The following SLC4A10 variants were observed in gnomAD, a reference collection of about 807,000 sequenced individuals.
SLC4A10 encodes the protein sodium-driven chloride bicarbonate exchanger.
Under a neutral mutation model 137.7 loss-of-function variants are expected in SLC4A10, and 42 were observed. That is an observed-to-expected ratio of 0.30 (90% CI 0.24 to 0.39). The LOEUF (loss-of-function observed/expected upper bound fraction) is 0.39, where lower values mean the gene tolerates loss of function less well. Ranked by LOEUF, SLC4A10 falls within the 10% of genes least tolerant of loss-of-function variation. SLC4A10 has a pLI of 1.00. For synonymous variants in SLC4A10, 474 were observed against 464.1 expected, an observed-to-expected ratio of 1.02 and a Z score of -0.27; for missense variants, 925 against 1,355.0, an observed-to-expected ratio of 0.68 and a Z score of 4.98.
At chr2:161,817,964 T>C (rs373442750) in intron 3 of SLC4A10, among the ~76,000 whole-genome samples, 6,027 of 132,970 alleles carry the variant, frequency 0.045, 171 homozygotes, top group East Asian at 0.11. Context: ...GTGATGTGGG[T>C]TCTTTTTTGG....
intron 1 of SLC4A10, among the ~76,000 whole-genome samples, chr2:161,712,951 G>A (rs1340127263): frequency 6.6e-6 from 1 of 151,864 alleles, no homozygotes; most frequent in African/African-American, 2.4e-5. Context: ...GTAGGTCTCT[G>A]CCTTCAGGAG....
At chr2:161,933,227 C>T (rs1314409921) in intron 15 of SLC4A10, among the ~76,000 whole-genome samples, 1 of 122,160 alleles carries the variant, frequency 8.2e-6, no homozygotes, top group Admixed American at 8.8e-5. Flanking sequence ...TTCTTTCTTT[C>T]TTTCTTTCTT....
intron 10 of SLC4A10, among the ~76,000 whole-genome samples, chr2:161,890,304 C>T (rs1254391817): frequency 1.3e-5 from 2 of 152,094 alleles, no homozygotes; most frequent in Non-Finnish European, 2.9e-5. Context: ...TCTATTAGAT[C>T]TGCTTGGTCC....
At chr2:161,809,918 C>A (rs1168651728) in intron 3 of SLC4A10, among the ~76,000 whole-genome samples, 1 of 151,950 alleles carries the variant, frequency 6.6e-6, no homozygotes, top group Admixed American at 6.6e-5. Flanking sequence ...TGAAAAACAA[C>A]ATTGGTGTTT....
intron 1 of SLC4A10, among the ~76,000 whole-genome samples, chr2:161,764,986 T>C (rs2050641846): frequency 6.6e-6 from 1 of 152,166 alleles, no homozygotes. Context: ...GTGTGATTTC[T>C]GTCGGATTAG....
At chr2:161,820,498 C>T (rs930404316) in intron 3 of SLC4A10, among the ~76,000 whole-genome samples, 1 of 152,070 alleles carries the variant, frequency 6.6e-6, no homozygotes, top group African/African-American at 2.4e-5. Context: ...GAATCTCTGG[C>T]CTTTCTTTTT....
At position 161,950,763 on chromosome 2, in the gene SLC4A10, T is replaced by G; in HGVS notation, c.2456T>G (p.Ile819Ser). The G allele has an allele frequency of 1.3e-6, 2 of 1,599,468 alleles. No homozygotes were observed. The highest frequency in any genetic ancestry group is 1.7e-6 in the Non-Finnish European group (2 of 1,172,166). ...TGGTGGACAGTAATAGCTGCTATAA[T>G]TCCAGCTCTGCTTTGTACTATTCTA... ...NPWWTVIAAI[I>S]PALLCTILIF... The change falls in exon 19 of 27, where the codon ATT becomes AGT. Residue 819 changes from isoleucine (I) to serine (S), a missense_variant. Transcript: ENST00000446997.
chr2:161,939,783 G>A (rs1197765028), intron 15 of SLC4A10, among the ~76,000 whole-genome samples: 3 of 151,882 alleles, frequency 2.0e-5, no homozygotes, highest in Admixed American at 1.3e-4. Context: ...TATAATTATA[G>A]AATGTAAAAA....
chr2:161,830,885 T>C (rs1363879040), intron 3 of SLC4A10, among the ~76,000 whole-genome samples: 6 of 152,212 alleles, frequency 3.9e-5, no homozygotes, highest in Non-Finnish European at 8.8e-5. Context: ...TGTAGGGTGC[T>C]ATAAGTTAGG....
intron 25 of SLC4A10, chr2:161,977,329 G>C (rs140646093): frequency 4.4e-6 from 2 of 455,790 alleles, no homozygotes; most frequent in East Asian, 1.4e-4. Flanking sequence ...CCCCCTGAAA[G>C]TCTTCCCTAA....
chr2:161,943,131 A>G (rs1290179956), intron 16 of SLC4A10, among the ~76,000 whole-genome samples: 1 of 152,140 alleles, frequency 6.6e-6, no homozygotes, highest in Non-Finnish European at 1.5e-5. Context: ...ATACAGAAAT[A>G]TGTGACCGAG....
chr2:161,964,079 C>T (rs1697180397), intron 21 of SLC4A10, 56 bp from the exon 22 acceptor site: 2 of 1,460,664 alleles, frequency 1.4e-6, no homozygotes, highest in Non-Finnish European at 1.8e-6. Flanking sequence ...ATCAACTTGT[C>T]CTACTTTTAT....
intron 4 of SLC4A10, among the ~76,000 whole-genome samples, chr2:161,846,718 A>G (rs2059520779): frequency 6.6e-6 from 1 of 152,212 alleles, no homozygotes; most frequent in South Asian, 2.1e-4. Flanking sequence ...AAAAAGTGTC[A>G]ATCTCAAAAG....
At chr2:161,816,474 G>A (rs1032974049) in intron 3 of SLC4A10, among the ~76,000 whole-genome samples, 1 of 150,872 alleles carries the variant, frequency 6.6e-6, no homozygotes, top group African/African-American at 2.4e-5. Flanking sequence ...TTTGAATTTG[G>A]GCACTCTTTT....
chr2:161,688,515 C>T (rs560100841), intron 1 of SLC4A10, among the ~76,000 whole-genome samples: 1 of 152,154 alleles, frequency 6.6e-6, no homozygotes, highest in South Asian at 2.1e-4. Flanking sequence ...CATTATTTCA[C>T]GTGTTTGTTC....
At chr2:161,645,994 A>G (rs1224330330) in intron 1 of SLC4A10, among the ~76,000 whole-genome samples, 1 of 152,082 alleles carries the variant, frequency 6.6e-6, no homozygotes, top group Non-Finnish European at 1.5e-5. Flanking sequence ...GCACATGACT[A>G]TGAATGAAAT....
chr2:161,943,041 T>C (rs1232503765), intron 16 of SLC4A10, 144 bp downstream of exon 16: 2 of 637,644 alleles, frequency 3.1e-6, no homozygotes, highest in Non-Finnish European at 5.4e-6. Flanking sequence ...TCATTTCAGA[T>C]GCTCATCAGT....
At chr2:161,871,055 G>A (rs978549643) in intron 6 of SLC4A10, among the ~76,000 whole-genome samples, 1 of 151,826 alleles carries the variant, frequency 6.6e-6, no homozygotes, top group Non-Finnish European at 1.5e-5. Context: ...AGTAATATTT[G>A]AAAGTAAATA....
intron 3 of SLC4A10, among the ~76,000 whole-genome samples, chr2:161,820,367 A>G (rs948209371): frequency 6.6e-6 from 1 of 152,214 alleles, no homozygotes; most frequent in Non-Finnish European, 1.5e-5. Context: ...GCATAGAAAC[A>G]TACATATAAA....
Sources: gnomAD v4.1 joint callset for allele counts (sites outside exome capture counted in the v4.1 genomes callset) on GRCh38, gnomAD v4.1.1 for gene constraint, MANE v1.5 for transcripts, NCBI Gene and HGNC (gene_info 2026-07-23, HGNC 2026-07-21) for gene names.